EDA: variants seen among roughly 807,000 people sequenced by gnomAD.
The protein encoded by EDA is ectodysplasin-A.
EDA carries 2 observed loss-of-function variants against 23.6 expected under a neutral mutation model. The observed-to-expected ratio is 0.08, with a 90% confidence interval of 0.03 to 0.27. The LOEUF (loss-of-function observed/expected upper bound fraction) is 0.27, where lower values mean the gene tolerates loss of function less well. Among genes scored for constraint, EDA ranks in the 10% least tolerant of loss-of-function variants. The pLI is 1.00. For synonymous variants in EDA, 131 were observed against 132.0 expected, an observed-to-expected ratio of 0.99 and a Z score of 0.05; for missense variants, 229 against 324.2, an observed-to-expected ratio of 0.71 and a Z score of 2.26.
intron 2 of EDA, among the ~76,000 whole-genome samples, chrX:69,987,332 A>T (rs756909350): frequency 1.7e-4 from 19 of 109,240 alleles, no homozygotes; most frequent in East Asian, 5.7e-4. Flanking sequence ...AAATAAAAAA[A>T]AAATAAAACA....
intron 1 of EDA, among the ~76,000 whole-genome samples, chrX:69,716,261 G>A (rs1044098426): frequency 8.9e-6 from 1 of 111,855 alleles, no homozygotes; most frequent in African/African-American, 3.3e-5. Context: ...GTAAGGAAGG[G>A]ATCCAGTTTC....
chrX:69,716,887 G>A (rs57799641), intron 1 of EDA, among the ~76,000 whole-genome samples: 1 of 111,162 alleles, frequency 9.0e-6, no homozygotes, highest in East Asian at 2.8e-4. Flanking sequence ...TGATGTATAG[G>A]AATGTTAGTG....
intron 1 of EDA, among the ~76,000 whole-genome samples, chrX:69,837,536 T>G (rs1259627981): frequency 8.9e-6 from 1 of 112,479 alleles, no homozygotes; most frequent in African/African-American, 3.2e-5. Flanking sequence ...ATGATTTTTT[T>G]GTTAAGATCA....
At chrX:69,910,157 T>A (rs2018237938) in intron 1 of EDA, among the ~76,000 whole-genome samples, 1 of 110,545 alleles carries the variant, frequency 9.0e-6, no homozygotes, top group Non-Finnish European at 1.9e-5. Context: ...TGGGTTTTTT[T>A]AATTAATTAT....
rs765046559 is a variant in EDA, at chrX:69,672,653, G to T, written c.396+55949G>T. ...TGCCAGCACTTTGGGAGGCCGAGGCGGGCGGATCACGAGGTCAGGAGATCG... is the reference window on the plus strand; with the variant it reads ...TGCCAGCACTTTGGGAGGCCGAGGCTGGCGGATCACGAGGTCAGGAGATCG... On this transcript the variant is annotated intron_variant, in intron 1 of 7. Coordinates refer to ENST00000374552, the MANE Select transcript of EDA (RefSeq NM_001399.5). The T allele has an allele frequency of 2.3e-4, 26 of 110,929 alleles. No homozygotes were observed. The South Asian group carries it at 0.01, about 43-fold the overall frequency. The allele number at this position is 110,929 out of a possible 1,213,427, so 9.1% of individuals were successfully genotyped here. A position where few individuals can be genotyped will look rare whatever the true frequency, so the allele number is the denominator to read the frequency against.
At chrX:69,911,936 A>G (rs1359500155) in intron 1 of EDA, among the ~76,000 whole-genome samples, 1 of 112,273 alleles carries the variant, frequency 8.9e-6, no homozygotes, top group Non-Finnish European at 1.9e-5. Context: ...TCGCTGCATC[A>G]ATTGACTATT....
chrX:69,786,546 G>T (rs1163287360), intron 1 of EDA, among the ~76,000 whole-genome samples: 1 of 110,185 alleles, frequency 9.1e-6, no homozygotes, highest in African/African-American at 3.3e-5. Flanking sequence ...ATTTCGTTAT[G>T]TACCCAGTAG....
intron 1 of EDA, among the ~76,000 whole-genome samples, chrX:69,690,690 G>A (rs895271295): frequency 8.9e-6 from 1 of 111,842 alleles, no homozygotes; most frequent in African/African-American, 3.2e-5. Flanking sequence ...TTTCTTGGAA[G>A]AGTTTGAGAA....
intron 2 of EDA, chrX:69,957,406 G>C (rs902498590): frequency 1.4e-5 from 4 of 295,435 alleles, no homozygotes; most frequent in Middle Eastern, 1.1e-3. Context: ...TTGAAACTGG[G>C]AGGTAGAGGT....
At chrX:69,679,274 T>A (rs1934237368) in intron 1 of EDA, among the ~76,000 whole-genome samples, 1 of 105,062 alleles carries the variant, frequency 9.5e-6, no homozygotes, top group South Asian at 4.4e-4. Flanking sequence ...GATATTGGTC[T>A]AAAATTCTCT....
At chrX:69,751,339 G>A (rs1455432427) in intron 1 of EDA, among the ~76,000 whole-genome samples, 1 of 112,037 alleles carries the variant, frequency 8.9e-6, no homozygotes. Flanking sequence ...GGTTGTAGAT[G>A]TGTGGTATTA....
At chrX:69,724,509 C>A (rs2012716509) in intron 1 of EDA, among the ~76,000 whole-genome samples, 1 of 111,903 alleles carries the variant, frequency 8.9e-6, no homozygotes, top group African/African-American at 3.2e-5. Flanking sequence ...CAAACCATTT[C>A]TCTGCTGTAA....
chrX:69,656,586 G>A (rs1017874132), intron 1 of EDA, among the ~76,000 whole-genome samples: 1 of 111,346 alleles, frequency 9.0e-6, no homozygotes, highest in Admixed American at 9.6e-5. Flanking sequence ...CCTGGGGTAT[G>A]ATTTATCCCA....
At chrX:69,834,532 CTT>C (rs56353023) in intron 1 of EDA, among the ~76,000 whole-genome samples, 1,271 of 86,065 alleles carry the variant, frequency 0.015, 8 homozygotes, top group African/African-American at 0.028. Flanking sequence ...GCAACCCCTG[CTT>C]TTTTTTTTTT....
chrX:69,731,750 A>G (rs760088537), intron 1 of EDA, among the ~76,000 whole-genome samples: 2 of 111,980 alleles, frequency 1.8e-5, no homozygotes, highest in Non-Finnish European at 3.8e-5. Context: ...CTTTTCTAAC[A>G]TAAGCATTTA....
intron 1 of EDA, among the ~76,000 whole-genome samples, chrX:69,655,288 G>A (rs1392247964): frequency 1.8e-5 from 2 of 111,049 alleles, no homozygotes; most frequent in East Asian, 5.8e-4. Flanking sequence ...CAGCTACTCG[G>A]GAGGCTGAGG....
chrX:69,875,710 G>A (rs1012172519), intron 1 of EDA, among the ~76,000 whole-genome samples: 8 of 111,070 alleles, frequency 7.2e-5, no homozygotes, highest in African/African-American at 2.6e-4. Flanking sequence ...CCCACAGAGA[G>A]GAAGAAAATC....
chrX:69,855,052 C>T (rs764696375), intron 1 of EDA, among the ~76,000 whole-genome samples: 1 of 111,420 alleles, frequency 9.0e-6, no homozygotes, highest in Non-Finnish European at 1.9e-5. Context: ...TTTGCATTTC[C>T]CTAATGATCA....
At chrX:69,933,063 T>G (rs1470105716) in intron 1 of EDA, among the ~76,000 whole-genome samples, 1 of 111,070 alleles carries the variant, frequency 9.0e-6, no homozygotes, top group African/African-American at 3.3e-5. Flanking sequence ...CCTTTATCTC[T>G]CTCCCCTACC....
Sources: allele counts gnomAD v4.1 joint callset (sites outside exome capture counted in the v4.1 genomes callset), GRCh38; gene constraint gnomAD v4.1.1; transcripts MANE v1.5; gene names NCBI Gene and HGNC (gene_info 2026-07-23, HGNC 2026-07-21).